The following MMP21 variants were observed in gnomAD, a reference collection of about 807,000 sequenced individuals.
The protein encoded by MMP21 is matrix metalloproteinase-21.
A neutral mutation model predicts 47.8 loss-of-function variants in MMP21; 40 were observed. The observed-to-expected ratio is 0.84, with a 90% confidence interval of 0.65 to 1.09. The LOEUF (loss-of-function observed/expected upper bound fraction) is 1.09. Ranked by LOEUF, MMP21 falls within the 50% of genes least tolerant of loss-of-function variation. The pLI is 0.00. For missense variants in MMP21, 747 were observed against 775.3 expected (o/e 0.96, Z 0.43); for synonymous variants, 341 against 318.0 (o/e 1.07, Z -0.77).
chr10:125,773,081 C>T lies in MMP21; in HGVS notation c.698-331G>A, dbSNP rs1037237340. Reference sequence around the variant, plus strand: ...GCCGGATCCTCGCCTCTGCGGAGGTCGTGAAATATTGAAAGCTGGGTCCCT... The same window carrying T: ...GCCGGATCCTCGCCTCTGCGGAGGTTGTGAAATATTGAAAGCTGGGTCCCT... On this transcript the variant is annotated intron_variant, in intron 2 of 6. Transcript: ENST00000368808. This position sits in a 1 kb window ranked among gnomAD's most constrained non-coding sequence, Gnocchi z 4.8. 7.2e-5 allele frequency among the ~76,000 whole-genome samples: 11 copies of T among 152,180 alleles called. No homozygotes were observed. Among genetic ancestry groups the T allele is most frequent in the Non-Finnish European group, 1.2e-4 (8 of 68,036 alleles).
At chr10:125,769,763 T>A (rs899029717) in intron 5 of MMP21, among the ~76,000 whole-genome samples, 3 of 152,210 alleles carry the variant, frequency 2.0e-5, no homozygotes, top group Non-Finnish European at 4.4e-5. Flanking sequence ...TTAAAACTCC[T>A]GCAGGGCAGG....
At position 125,773,322 on chromosome 10, in the gene MMP21, T is replaced by A. The variant is rs911265972; in HGVS notation, c.697+509A>T. Among the ~76,000 whole-genome samples the A allele has an allele frequency of 6.6e-6, 1 of 151,986 alleles. No homozygotes were observed. On this transcript the variant is annotated intron_variant, in intron 2 of 6. Coordinates refer to ENST00000368808, the MANE Select transcript of MMP21 (RefSeq NM_147191.1). This position sits in a 1 kb window ranked among gnomAD's most constrained non-coding sequence, Gnocchi z 4.8. ...GGGTATCCCAGATCCCACCCATCCT[T>A]GAGTCTAGGCCAAGACCGGATTCCT...
chr10:125,766,641 T>A lies in MMP21; in HGVS notation c.*21A>T. 9 of 1,563,018 alleles carry A rather than the reference T, an allele frequency of 5.8e-6. No homozygotes were observed. Among genetic ancestry groups the A allele is most frequent in the Non-Finnish European group, 7.8e-6 (9 of 1,159,768 alleles). ...GAATTTTAGCGAAGTCCTATGACCC[T>A]CCATTTCCTACTTTTTCTTATTACA... On this transcript the variant is annotated 3_prime_UTR_variant, in exon 7 of 7. Transcript: ENST00000368808.
intron 5 of MMP21, among the ~76,000 whole-genome samples, chr10:125,769,077 C>T (rs888296522): frequency 2.0e-5 from 3 of 152,156 alleles, no homozygotes; most frequent in Non-Finnish European, 4.4e-5. Flanking sequence ...CACAACTTGT[C>T]TCTGGGTAGG....
intron 5 of MMP21, among the ~76,000 whole-genome samples, 161 bp from the exon 6 acceptor site, chr10:125,767,865 C>A (rs1850403370): frequency 6.6e-6 from 1 of 152,164 alleles, no homozygotes; most frequent in Non-Finnish European, 1.5e-5. Flanking sequence ...CTCCACTCCG[C>A]CATTTCCCCG....
At position 125,773,952 on chromosome 10, in the gene MMP21, G is replaced by A. The variant is rs535954377; in HGVS notation, c.576C>T (p.Ala192=). The change falls in exon 2 of 7, where the codon GCC becomes GCT. Residue 192 remains alanine (A), a synonymous_variant. Coordinates refer to ENST00000368808, the MANE Select transcript of MMP21 (RefSeq NM_147191.1). The surrounding 1 kb of genome is among the most constrained non-coding windows in gnomAD (Gnocchi z 4.8). ...CCAGCGCCACAATGCGCCGCTGGTC[G>A]GCCACGGACAGTTGGCTGCTCAGGG... ...GEALSSQLSV[A]DQRRIVALAF... 2 of 1,584,634 alleles carry A rather than the reference G, an allele frequency of 1.3e-6. No homozygotes were observed. Among genetic ancestry groups the A allele is most frequent in the Non-Finnish European group, 1.7e-6 (2 of 1,173,080 alleles).
Position 125,767,679 on chromosome 10 carries a change from A to G in MMP21, c.1263T>C (p.Ser421=), listed in dbSNP as rs1331989364. The G allele has an allele frequency of 1.2e-6, 2 of 1,614,172 alleles. No homozygotes were observed. The highest frequency in any genetic ancestry group is 1.7e-5 in the Admixed American group (1 of 60,024). ...CTTCTGTGAGGGCCTGATCCTTGTC[A>G]CTGTCATATCTCCAGTATTGATTTC... The part of the protein sequence containing the change: ...FQGNQYWRYD[S]DKDQALTEDE... The change falls in exon 6 of 7, where the codon AGT becomes AGC. Residue 421 remains serine (S), a synonymous_variant. Coordinates refer to ENST00000368808, the MANE Select transcript of MMP21 (RefSeq NM_147191.1).
In MMP21 at chr10:125,770,573, A is replaced by G; in HGVS notation, c.998T>C (p.Phe333Ser). Residue 333 changes from phenylalanine to serine, a missense_variant, in exon 5 of 7, where the codon TTT becomes TCT. Phe to Ser is a radical substitution (Grantham distance 155). Coordinates refer to ENST00000368808, the MANE Select transcript of MMP21 (RefSeq NM_147191.1). ...GCGAATCCAGTCAAACGCAGTATCA[A>G]ATGATCCCTCACAGGAGCCTTAAAA... Reference protein sequence around the residue: ...QKLYGSCEGSFDTAFDWIRKE... With the variant: ...QKLYGSCEGSSDTAFDWIRKE... 6.2e-7 allele frequency: 1 copy of G among 1,614,170 alleles called. No individual in the cohort carries two copies.
In MMP21 at chr10:125,773,961, C is replaced by G; in HGVS notation, c.567G>C (p.Leu189=). 1 of 1,581,588 alleles carries G rather than the reference C, an allele frequency of 6.3e-7. No homozygotes were observed. The highest frequency in any genetic ancestry group is 8.5e-7 in the Non-Finnish European group (1 of 1,171,878). The change falls in exon 2 of 7, where the codon CTG becomes CTC. Residue 189 remains leucine, a synonymous_variant. Transcript: ENST00000368808. This position sits in a 1 kb window ranked among gnomAD's most constrained non-coding sequence, Gnocchi z 4.8. ...RLLGEALSSQ[L]SVADQRRIVA... The stretch of plus-strand genomic sequence containing the variant: ...CAATGCGCCGCTGGTCGGCCACGGA[C>G]AGTTGGCTGCTCAGGGCCTCGCCCA...
rs1037589782 is a variant in MMP21 at position 125,772,881 on chromosome 10, T to A, written c.698-131A>T. 40 of 965,984 alleles carry A rather than the reference T, an allele frequency of 4.1e-5. No homozygotes were observed. In the African/African-American group the frequency reaches 6.0e-4, roughly 15 times the overall value. The allele number at this position is 965,984 out of a possible 1,614,324, so 59.8% of individuals were successfully genotyped here. ...ACAGAGTGGCAGCTCCTGGATTAAGTCCTCAATGTGCGGAGGGTGGGAGAC... is the reference window on the plus strand; with the variant it reads ...ACAGAGTGGCAGCTCCTGGATTAAGACCTCAATGTGCGGAGGGTGGGAGAC... On this transcript the variant is annotated intron_variant, in intron 2 of 6. Coordinates refer to ENST00000368808, the MANE Select transcript of MMP21 (RefSeq NM_147191.1). This position sits in a 1 kb window ranked among gnomAD's most constrained non-coding sequence, Gnocchi z 5.6.
At position 125,773,708 on chromosome 10, in the gene MMP21, G is replaced by C; in HGVS notation, c.697+123C>G. 1 of 1,258,924 alleles carries C rather than the reference G, an allele frequency of 7.9e-7. No individual in the cohort carries two copies. The highest frequency in any genetic ancestry group is 1.0e-6 in the Non-Finnish European group (1 of 971,480). 78.0% of individuals were successfully genotyped at this position (1,258,924 alleles called of 1,614,324 possible). A position where few individuals can be genotyped will look rare whatever the true frequency, so the allele number is the denominator to read the frequency against. On this transcript the variant is annotated intron_variant, in intron 2 of 6. Transcript: ENST00000368808. This position sits in a 1 kb window ranked among gnomAD's most constrained non-coding sequence, Gnocchi z 4.8. ...TGGCTTCTGCCTGCCCCGCTGACAGGTGCCCCCGGGACAGGCCGGGAGGGC... is the reference window on the plus strand; with the variant it reads ...TGGCTTCTGCCTGCCCCGCTGACAGCTGCCCCCGGGACAGGCCGGGAGGGC...
chr10:125,774,180 G>A lies in MMP21; in HGVS notation c.348C>T (p.Arg116=). 1 of 1,276,300 alleles carries A rather than the reference G, an allele frequency of 7.8e-7. No individual in the cohort carries two copies. The highest frequency in any genetic ancestry group is 9.8e-7 in the Non-Finnish European group (1 of 1,015,294). The allele number at this position is 1,276,300 out of a possible 1,614,324, so 79.1% of individuals were successfully genotyped here. The change falls in exon 2 of 7, where the codon CGC becomes CGT. Residue 116 remains arginine (R), a synonymous_variant. Coordinates refer to ENST00000368808, the MANE Select transcript of MMP21 (RefSeq NM_147191.1). ...AATLAAMNRP[R]CGVPDMRPPP... ...GTGGGCGCATGTCCGGGACCCCGCA[G>A]CGCGGCCGGTTCATGGCCGCTAGGG...
At position 125,774,321 on chromosome 10, in the gene MMP21, C is replaced by G; in HGVS notation, c.207G>C (p.Trp69Cys). 1 of 1,412,486 alleles carries G rather than the reference C, an allele frequency of 7.1e-7. No homozygotes were observed. 87.5% of individuals were successfully genotyped at this position (1,412,486 alleles called of 1,614,324 possible). Residue 69 changes from tryptophan to cysteine, a missense_variant, in exon 2 of 7, where the codon TGG becomes TGC. Coordinates refer to ENST00000368808, the MANE Select transcript of MMP21 (RefSeq NM_147191.1). ...RYGWSGVWAA[W>C]GPSPEGPPET... ...CCGGCGGCCCCTCGGGACTGGGCCC[C>G]CAGGCCGCCCACACCCCTGACCAGC...
Position 125,775,727 on chromosome 10 carries a change from TC to T in MMP21, c.94del (p.Asp32ThrfsTer78), listed in dbSNP as rs1339321012. On this transcript the variant is annotated frameshift_variant, in exon 1 of 7. Transcript: ENST00000368808. LOFTEE classifies it high-confidence loss of function. ...TQPESLFHSR[D>X]RSDLEPSPLR... The stretch of plus-strand genomic sequence containing the variant: ...TGGGGACGGCTCCAGGTCCGAGCGG[TC>T]CCGGCTGTGGAAGAGACTCTCGGGC... 2 of 1,613,496 alleles carry T rather than the reference TC, an allele frequency of 1.2e-6. No homozygotes were observed. The highest frequency in any genetic ancestry group is 1.7e-6 in the Non-Finnish European group (2 of 1,179,800).
chr10:125,770,910 G>T (rs1488603084), intron 4 of MMP21, among the ~76,000 whole-genome samples: 5 of 152,018 alleles, frequency 3.3e-5, no homozygotes, highest in African/African-American at 1.2e-4. Context: ...TGGTCCCTTG[G>T]CACAGGTTAC....
Position 125,772,646 on chromosome 10 carries a change from G to T in MMP21, c.802C>A (p.Pro268Thr), listed in dbSNP as rs776479627. The T allele has an allele frequency of 6.2e-7, 1 of 1,614,236 alleles. No homozygotes were observed. The highest frequency in any genetic ancestry group is 8.5e-7 in the Non-Finnish European group (1 of 1,180,032). ...CTGATGCCCGTGTCACTGGTGGGAG[G>T]TGTGAAGTGCTCGTCGTCGTCAAAG... ...IHFDDDEHFT[P>T]PTSDTGISLL... Residue 268 changes from proline (P) to threonine (T), a missense_variant, in exon 3 of 7, where the codon CCT becomes ACT. By Grantham distance (38) the Pro-to-Thr change is conservative. Transcript: ENST00000368808. The surrounding 1 kb of genome is among the most constrained non-coding windows in gnomAD (Gnocchi z 5.6).
intron 4 of MMP21, among the ~76,000 whole-genome samples, chr10:125,771,159 C>A (rs1227153533): frequency 6.6e-6 from 1 of 152,186 alleles, no homozygotes; most frequent in Non-Finnish European, 1.5e-5. Context: ...CTCTCAGAAG[C>A]ATCTCAGTTT....
At chr10:125,768,710 A>G (rs1173579516) in intron 5 of MMP21, among the ~76,000 whole-genome samples, 1 of 152,230 alleles carries the variant, frequency 6.6e-6, no homozygotes, top group Non-Finnish European at 1.5e-5. Flanking sequence ...AAGCTCCAAG[A>G]ATAAAATACA....
intron 5 of MMP21, among the ~76,000 whole-genome samples, chr10:125,768,448 G>A (rs1361532587): frequency 3.9e-5 from 6 of 152,184 alleles, no homozygotes; most frequent in Non-Finnish European, 8.8e-5. Context: ...GCTTATTTTA[G>A]CTGCTTCTTG....
Sources: allele counts gnomAD v4.1 joint callset (sites outside exome capture counted in the v4.1 genomes callset), GRCh38; gene constraint gnomAD v4.1.1; non-coding constraint Gnocchi (gnomAD v3.1); transcripts MANE v1.5; gene names NCBI Gene and HGNC (gene_info 2026-07-23, HGNC 2026-07-21).